The following PCNX2 variants were observed in gnomAD, a reference collection of about 807,000 sequenced individuals.
PCNX2 encodes the protein pecanex 2.
A neutral mutation model predicts 223.8 loss-of-function variants in PCNX2; 168 were observed. That is an observed-to-expected ratio of 0.75 (90% CI 0.66 to 0.85). The LOEUF is 0.85. Among genes scored for constraint, PCNX2 ranks in the 40% least tolerant of loss-of-function variants. The probability of loss-of-function intolerance (pLI) is 0.00; values close to 1 mark genes in which losing one functional copy is unlikely to be tolerated. For synonymous variants in PCNX2, 1,006 were observed against 1,052.6 expected, an observed-to-expected ratio of 0.96 and a Z score of 0.86; for missense variants, 2,507 against 2,675.5, an observed-to-expected ratio of 0.94 and a Z score of 1.39.
chr1:233,208,474 C>A (rs779675838), intron 13 of PCNX2, 44 bp downstream of exon 13: 1 of 1,557,016 alleles, frequency 6.4e-7, no homozygotes, highest in Non-Finnish European at 8.8e-7. Flanking sequence ...GGAGACATAC[C>A]CCCAACCCCC....
At chr1:233,025,466 T>C (rs1671051901) in intron 25 of PCNX2, 67 bp from the exon 26 acceptor site, 2 of 1,576,144 alleles carry the variant, frequency 1.3e-6, no homozygotes, top group South Asian at 1.2e-5. Flanking sequence ...TTCAACGGAT[T>C]TCCCCATGCC....
chr1:233,284,155 A>G (rs1661328245), intron 1 of PCNX2, among the ~76,000 whole-genome samples: 1 of 152,218 alleles, frequency 6.6e-6, no homozygotes, highest in Non-Finnish European at 1.5e-5. Context: ...TCTCTAAGAC[A>G]TTACTGGCTG....
At chr1:233,233,771 C>T (rs987300965) in intron 9 of PCNX2, among the ~76,000 whole-genome samples, 2 of 151,840 alleles carry the variant, frequency 1.3e-5, no homozygotes, top group Admixed American at 1.3e-4. Context: ...GTCTTCCGAG[C>T]CTTATCTCCT....
rs191107541 is a variant in PCNX2 at position 233,206,236 on chromosome 1, G to A, written c.2863+2282C>T. On this transcript the variant is annotated intron_variant, in intron 13 of 33. Coordinates refer to ENST00000258229, the MANE Select transcript of PCNX2 (RefSeq NM_014801.4). ...GAGTGTGGAGTGCAGAGAGAGAAAA[G>A]GCAGCATTTTGACATAGACAATCGT... Among the ~76,000 whole-genome samples, 14 of 152,242 alleles carry A rather than the reference G, an allele frequency of 9.2e-5. No homozygotes were observed. In the East Asian group the frequency reaches 2.5e-3, roughly 27 times the overall value.
chr1:233,074,968 TG>T (rs1252710709), intron 23 of PCNX2, among the ~76,000 whole-genome samples: 1 of 152,164 alleles, frequency 6.6e-6, no homozygotes, highest in Non-Finnish European at 1.5e-5. Flanking sequence ...CATACATTGT[TG>T]GTGGAGATGT....
intron 19 of PCNX2, among the ~76,000 whole-genome samples, chr1:233,150,339 G>A (rs1677725605): frequency 6.6e-6 from 1 of 152,072 alleles, no homozygotes; most frequent in Non-Finnish European, 1.5e-5. Context: ...CTACTCTCCA[G>A]GTTCCCAGCA....
chr1:233,242,182 T>C (rs138190438), intron 8 of PCNX2, among the ~76,000 whole-genome samples: 170 of 152,282 alleles, frequency 1.1e-3, no homozygotes, highest in African/African-American at 3.9e-3. Flanking sequence ...CTTTCAAACA[T>C]AAGCCTAATT....
intron 32 of PCNX2, among the ~76,000 whole-genome samples, 167 bp from the exon 33 acceptor site, chr1:232,986,707 C>T (rs1669502413): frequency 6.6e-6 from 1 of 152,148 alleles, no homozygotes; most frequent in Non-Finnish European, 1.5e-5. Context: ...CTCACCCACT[C>T]CCTCCCGCCA....
intron 32 of PCNX2, among the ~76,000 whole-genome samples, chr1:232,988,762 AAGT>A (rs760904275): frequency 1.3e-5 from 2 of 152,148 alleles, no homozygotes; most frequent in Non-Finnish European, 2.9e-5. Context: ...GCTCACCAGT[AAGT>A]AGGTCACCAG....
At chr1:232,986,639 C>T (rs753754984) in intron 32 of PCNX2, 99 bp from the exon 33 acceptor site, 53 of 1,171,488 alleles carry the variant, frequency 4.5e-5, no homozygotes, top group Non-Finnish European at 5.9e-5. Context: ...GGCCCAAGGA[C>T]CCCTCCTCAG....
At chr1:233,302,086 C>A in the PCNX2 span, among the ~76,000 whole-genome samples, 1 of 151,956 alleles carries the variant, frequency 6.6e-6, no homozygotes, top group Non-Finnish European at 1.5e-5. Context: ...AACCACTGCG[C>A]CCAGCCAAGA....
At chr1:233,300,808 C>T in the PCNX2 span, among the ~76,000 whole-genome samples, 1 of 152,152 alleles carries the variant, frequency 6.6e-6, no homozygotes, top group Non-Finnish European at 1.5e-5. Context: ...GTATCCACCC[C>T]AGCCTCTGTC....
upstream of PCNX2, among the ~76,000 whole-genome samples, chr1:233,299,005 C>T (rs1662217605): frequency 6.6e-6 from 1 of 152,186 alleles, no homozygotes; most frequent in Admixed American, 6.5e-5. Flanking sequence ...TCTTTATCTT[C>T]AGCCCTAACT....
At chr1:233,176,334 T>C (rs556545912) in intron 17 of PCNX2, among the ~76,000 whole-genome samples, 28 of 152,328 alleles carry the variant, frequency 1.8e-4, no homozygotes, top group South Asian at 1.2e-3. Context: ...TAGGATTCTC[T>C]TGTTCCTTCC....
chr1:233,128,406 C>T (rs143889696), intron 21 of PCNX2, among the ~76,000 whole-genome samples: 27 of 152,128 alleles, frequency 1.8e-4, no homozygotes, highest in Admixed American at 1.1e-3. Context: ...ATTATCTTGG[C>T]TCATTGTAAC....
At chr1:233,292,977 C>G (rs1201098756) in intron 1 of PCNX2, among the ~76,000 whole-genome samples, 2 of 151,932 alleles carry the variant, frequency 1.3e-5, no homozygotes, top group Non-Finnish European at 2.9e-5. Context: ...AGGTCTCAGA[C>G]TTTACTTTCT....
At chr1:233,250,638 A>G in intron 8 of PCNX2, 101 bp downstream of exon 8, 1 of 1,433,610 alleles carries the variant, frequency 7.0e-7, no homozygotes, top group Middle Eastern at 1.8e-4. Context: ...CTACAAAGGG[A>G]TTAACACATT....
intron 25 of PCNX2, chr1:233,047,493 A>G (rs1459078937): frequency 2.7e-6 from 2 of 741,894 alleles, no homozygotes; most frequent in African/African-American, 3.8e-5. Flanking sequence ...GCTCTAAAAG[A>G]TTTTACCTTA....
intron 23 of PCNX2, among the ~76,000 whole-genome samples, chr1:233,084,711 T>G (rs1673517753): frequency 6.6e-6 from 1 of 152,236 alleles, no homozygotes; most frequent in Non-Finnish European, 1.5e-5. Flanking sequence ...TGTTTCATGT[T>G]AATGACAAAG....
Sources: gnomAD v4.1 joint callset for allele counts (sites outside exome capture counted in the v4.1 genomes callset) on GRCh38, gnomAD v4.1.1 for gene constraint, MANE v1.5 for transcripts, NCBI Gene and HGNC (gene_info 2026-07-23, HGNC 2026-07-21) for gene names.